C2orf78: variants seen among roughly 807,000 people sequenced by gnomAD.
The protein encoded by C2orf78 is chromosome 2 open reading frame 78.
A neutral mutation model predicts 21.4 loss-of-function variants in C2orf78; 12 were observed. The ratio of observed to expected loss-of-function variants is 0.56; its 90% confidence interval spans 0.36 to 0.91. C2orf78 has a LOEUF of 0.91. Among genes scored for constraint, C2orf78 ranks in the 40% least tolerant of loss-of-function variants. C2orf78 has a pLI of 0.01. For synonymous variants in C2orf78, 396 were observed against 413.9 expected, an observed-to-expected ratio of 0.96 and a Z score of 0.52; for missense variants, 1,042 against 1,092.4, an observed-to-expected ratio of 0.95 and a Z score of 0.65.
chr2:73,786,083 G>C (rs1430230787), intron 1 of C2orf78, among the ~76,000 whole-genome samples: 2 of 151,838 alleles, frequency 1.3e-5, no homozygotes, highest in Non-Finnish European at 2.9e-5. Context: ...ATATGTTTTA[G>C]AAATGAGGCT....
intron 1 of C2orf78, among the ~76,000 whole-genome samples, chr2:73,809,757 C>T (rs182904336): frequency 2.0e-5 from 3 of 152,226 alleles, no homozygotes; most frequent in African/African-American, 7.2e-5. Context: ...GGACTTCAGC[C>T]TGAGTGACAA....
At chr2:73,808,828 C>A (rs1221682779) in intron 1 of C2orf78, 22 of 1,377,648 alleles carry the variant, frequency 1.6e-5, no homozygotes, top group Non-Finnish European at 2.2e-5. Context: ...CTTCAGCCAC[C>A]CAGACATCCG....
At chr2:73,813,951 CTCA>C in exon 2 of C2orf78, 1 of 1,614,042 alleles carries the variant, frequency 6.2e-7, no homozygotes, top group South Asian at 1.1e-5. Flanking sequence ...GGGACACTAA[CTCA>C]AATTCCAAAT....
At chr2:73,817,012 T>C (rs1183222308) in exon 3 of C2orf78, 1 of 1,588,286 alleles carries the variant, frequency 6.3e-7, no homozygotes, top group East Asian at 2.3e-5. Flanking sequence ...TTGTTGGTTT[T>C]ACTTTGGATA....
exon 3 of C2orf78, chr2:73,816,378 A>T: frequency 6.2e-7 from 1 of 1,613,826 alleles, no homozygotes; most frequent in Non-Finnish European, 8.5e-7. Context: ...GGTCAAGTTG[A>T]TACCTTTGCC....
Position 73,808,756 on chromosome 2 carries a change from A to G in C2orf78, c.98-4721A>G. The G allele has an allele frequency of 2.0e-6, 3 of 1,518,844 alleles. No homozygotes were observed. In the South Asian group the frequency reaches 3.6e-5, roughly 18 times the overall value. 94.1% of individuals were successfully genotyped at this position (1,518,844 alleles called of 1,614,324 possible). ...TGGCCTGTAAATTTGTATCATCACA[A>G]GGGGCCAGTGACCAGTAACCAGTGA... On this transcript the variant is annotated intron_variant, in intron 1 of 2. Transcript: ENST00000409561.
chr2:73,809,673 A>G (rs1474146793), intron 1 of C2orf78, among the ~76,000 whole-genome samples: 1 of 152,160 alleles, frequency 6.6e-6, no homozygotes, highest in Non-Finnish European at 1.5e-5. Flanking sequence ...GCTACTCAGG[A>G]AGCTGAGGTG....
exon 3 of C2orf78, chr2:73,815,348 C>A: frequency 6.2e-7 from 1 of 1,613,940 alleles, no homozygotes; most frequent in Non-Finnish European, 8.5e-7. Flanking sequence ...CTCTAGATGT[C>A]CACCAGATCC....
chr2:73,786,330 G>A (rs1255112531), intron 1 of C2orf78, among the ~76,000 whole-genome samples: 1 of 151,010 alleles, frequency 6.6e-6, no homozygotes, highest in East Asian at 2.0e-4. Context: ...AGTGAGCCGA[G>A]ATCGTGCCAC....
chr2:73,814,050 C>A (rs758689967), exon 2 of C2orf78: 1 of 1,613,918 alleles, frequency 6.2e-7, no homozygotes, highest in Non-Finnish European at 8.5e-7. Context: ...CCTCAACTAT[C>A]CTGCCTGCAA....
intron 1 of C2orf78, among the ~76,000 whole-genome samples, chr2:73,786,366 G>A (rs1208471809): frequency 8.0e-5 from 12 of 149,438 alleles, no homozygotes; most frequent in African/African-American, 2.2e-4. Flanking sequence ...GCGACAGAGC[G>A]AGACTCCATC....
At position 73,792,563 on chromosome 2, in the gene C2orf78, A is replaced by C. The variant is rs992538711; in HGVS notation, c.97+8157A>C. Reference sequence around the variant, plus strand: ...AATTGTTTGTCACAGAAACCAAAAAATCCACATAAATCTCTTTTTTCCTGT... The same window carrying C: ...AATTGTTTGTCACAGAAACCAAAAACTCCACATAAATCTCTTTTTTCCTGT... On this transcript the variant is annotated intron_variant, in intron 1 of 2. Coordinates refer to ENST00000409561, the Ensembl canonical transcript of C2orf78. Among the ~76,000 whole-genome samples the C allele has an allele frequency of 7.0e-4, 93 of 133,534 alleles. 6 individuals carry two copies. The highest frequency in any genetic ancestry group is 2.7e-3 in the African/African-American group (84 of 30,984). 87.6% of individuals were successfully genotyped at this position (133,534 alleles called of 152,430 possible).
chr2:73,786,311 G>T lies in C2orf78; in HGVS notation c.97+1905G>T, dbSNP rs527356438. On this transcript the variant is annotated intron_variant, in intron 1 of 2. Coordinates refer to ENST00000409561, the Ensembl canonical transcript of C2orf78. ...TCAGAATTGCTTGAACCAGGGAGGCGCATGATGCAGTGAGCCGAGATCGTG... is the reference window on the plus strand; with the variant it reads ...TCAGAATTGCTTGAACCAGGGAGGCTCATGATGCAGTGAGCCGAGATCGTG... Among the ~76,000 whole-genome samples, 439 of 151,122 alleles carry T rather than the reference G, an allele frequency of 2.9e-3. 10 individuals carry two copies. The highest frequency in any genetic ancestry group is 0.01 in the African/African-American group (425 of 41,048).
At chr2:73,785,621 G>C (rs116471014) in intron 1 of C2orf78, among the ~76,000 whole-genome samples, 1 of 152,012 alleles carries the variant, frequency 6.6e-6, no homozygotes, top group Non-Finnish European at 1.5e-5. Context: ...ATCAATGGAC[G>C]AGGAAGGAAA....
intron 1 of C2orf78, among the ~76,000 whole-genome samples, chr2:73,808,122 C>G (rs189391830): frequency 7.3e-5 from 11 of 150,912 alleles, no homozygotes; most frequent in Non-Finnish European, 1.3e-4. Flanking sequence ...GCTGAAGTGG[C>G]AGGCGCCTGT....
chr2:73,811,019 G>C (rs1167193627), intron 1 of C2orf78, among the ~76,000 whole-genome samples: 1 of 147,834 alleles, frequency 6.8e-6, no homozygotes, highest in East Asian at 1.9e-4. Flanking sequence ...GGCCGAGCTC[G>C]GTGGCTCACA....
chr2:73,816,376 T>C, exon 3 of C2orf78: 1 of 1,613,854 alleles, frequency 6.2e-7, no homozygotes, highest in Non-Finnish European at 8.5e-7. Flanking sequence ...AAGGTCAAGT[T>C]GATACCTTTG....
At position 73,816,571 on chromosome 2, in the gene C2orf78, C is replaced by T. The variant is rs748009415; in HGVS notation, c.2348C>T (p.Pro783Leu). 25 of 1,613,516 alleles carry T rather than the reference C, an allele frequency of 1.5e-5. 1 individual carries two copies. The South Asian group carries it at 2.6e-4, about 17-fold the overall frequency. ...ACATCTTTGACAGGTCCTGCCACAC[C>T]AGCTCAGCCAATTTCAGCCAAAGCA... Residue 783 changes from proline to leucine, a missense_variant, in exon 3 of 3, where the codon CCA (proline) becomes CTA (leucine). Physicochemically the swap from Pro to Leu is moderately conservative, Grantham distance 98. Around this residue, in one of 2 missense-constraint regions of C2orf78, gnomAD observed 1,039 missense variants for 1,069.7 expected, o/e 0.97. Coordinates refer to ENST00000409561, the Ensembl canonical transcript of C2orf78.
At chr2:73,813,866 G>T (rs1430824281) in exon 2 of C2orf78, 1 of 1,613,916 alleles carries the variant, frequency 6.2e-7, no homozygotes. Flanking sequence ...GTCTATGACA[G>T]CCCAGTATTA....
Sources: gnomAD v4.1 joint callset for allele counts (sites outside exome capture counted in the v4.1 genomes callset) on GRCh38, gnomAD v4.1.1 for gene constraint, gnomAD v4.1.1 regional missense constraint, MANE v1.5 for transcripts, NCBI Gene and HGNC (gene_info 2026-07-23, HGNC 2026-07-21) for gene names.